Variants in ZNF521 observed in about 807,000 individuals in gnomAD.
The protein encoded by ZNF521 is LYST-interacting protein 3.
In ZNF521, 14 loss-of-function variants were observed where a neutral mutation model predicts 105.5. The ratio of observed to expected loss-of-function variants is 0.13; its 90% CI spans 0.09 to 0.21. The LOEUF is 0.21. Among genes scored for constraint, ZNF521 ranks in the 10% least tolerant of loss-of-function variants. The probability of loss-of-function intolerance (pLI) is 1.00; values close to 1 mark genes in which losing one functional copy is unlikely to be tolerated. For missense variants in ZNF521, 1,233 were observed against 1,629.7 expected, an observed-to-expected ratio of 0.76 and a Z score of 4.19; for synonymous variants, 635 against 606.0, an observed-to-expected ratio of 1.05 and a Z score of -0.70.
chr18:25,166,419 T>A (rs547290434), intron 5 of ZNF521, among the ~76,000 whole-genome samples: 206 of 152,336 alleles, frequency 1.4e-3, no homozygotes, highest in African/African-American at 4.7e-3. Flanking sequence ...TGGATTTTTT[T>A]AAACAAGATT....
At chr18:25,272,753 G>A (rs1909745244) in intron 3 of ZNF521, among the ~76,000 whole-genome samples, 1 of 151,940 alleles carries the variant, frequency 6.6e-6, no homozygotes, top group Non-Finnish European at 1.5e-5. Context: ...CACACACCGG[G>A]GCCTGTTGTG....
chr18:25,244,533 G>A (rs952003136), intron 3 of ZNF521, among the ~76,000 whole-genome samples: 4 of 152,146 alleles, frequency 2.6e-5, no homozygotes, highest in African/African-American at 9.7e-5. Context: ...GTAGGAAAAG[G>A]GACCCAGAGT....
intron 2 of ZNF521, among the ~76,000 whole-genome samples, chr18:25,340,533 A>C (rs1914138931): frequency 6.6e-6 from 1 of 152,160 alleles, no homozygotes; most frequent in South Asian, 2.1e-4. Flanking sequence ...TTGTTCCATC[A>C]GCTATAACTC....
chr18:25,217,379 TGATGGATTAAACATG>T (rs1568014848), intron 4 of ZNF521, among the ~76,000 whole-genome samples: 1 of 152,168 alleles, frequency 6.6e-6, no homozygotes, highest in Non-Finnish European at 1.5e-5. Context: ...CAGCATTCAT[TGATGGATTAAACATG>T]GAGAATGAGA....
At chr18:25,292,184 T>A (rs1164964337) in intron 3 of ZNF521, among the ~76,000 whole-genome samples, 2 of 152,222 alleles carry the variant, frequency 1.3e-5, no homozygotes, top group African/African-American at 4.8e-5. Flanking sequence ...CACTTACACA[T>A]GTCACCTGCC....
intron 5 of ZNF521, among the ~76,000 whole-genome samples, chr18:25,102,981 T>C (rs886687128): frequency 2.6e-5 from 4 of 152,136 alleles, no homozygotes; most frequent in African/African-American, 9.7e-5. Context: ...CATCCCCCTA[T>C]GTCTTAAGCA....
Position 25,227,101 on chromosome 18 carries a change from A to G in ZNF521, c.817T>C (p.Ser273Pro), listed in dbSNP as rs1906208136. The G allele has an allele frequency of 6.2e-7, 1 of 1,613,978 alleles. No homozygotes were observed. Among genetic ancestry groups the G allele is most frequent in the Non-Finnish European group, 8.5e-7 (1 of 1,179,992 alleles). The part of the protein sequence containing the change: ...KHIAECHPEC[S>P]PNEDRAALQC... ...AGGGCCGCTCGGTCCTCATTTGGGGAGCATTCGGGGTGGCACTCTGCAATG... is the reference window on the plus strand; with the variant it reads ...AGGGCCGCTCGGTCCTCATTTGGGGGGCATTCGGGGTGGCACTCTGCAATG... The change falls in exon 4 of 8, where the codon TCC (serine) becomes CCC (proline). Residue 273 changes from serine (S) to proline (P), a missense_variant. By Grantham distance (74) the Ser-to-Pro change is moderately conservative. This residue lies in a region of ZNF521 where 380 missense variants were observed against 478.0 expected (regional missense o/e 0.80). Coordinates refer to ENST00000361524, the MANE Select transcript of ZNF521 (RefSeq NM_015461.3). The surrounding 1 kb of genome is among the most constrained non-coding windows in gnomAD (Gnocchi z 5.7).
At chr18:25,089,100 C>T (rs929231678) in intron 7 of ZNF521, among the ~76,000 whole-genome samples, 1 of 152,174 alleles carries the variant, frequency 6.6e-6, no homozygotes, top group African/African-American at 2.4e-5. Flanking sequence ...ATAACCTGGA[C>T]ATCCACCCAG....
chr18:25,173,290 A>C (rs186667704), intron 5 of ZNF521, among the ~76,000 whole-genome samples: 5 of 152,308 alleles, frequency 3.3e-5, no homozygotes, highest in African/African-American at 1.2e-4. Context: ...TGAGCCCCCA[A>C]GGAGGCCAAA....
chr18:25,106,316 T>G (rs1235997862), intron 5 of ZNF521, among the ~76,000 whole-genome samples: 1 of 152,170 alleles, frequency 6.6e-6, no homozygotes, highest in Non-Finnish European at 1.5e-5. Flanking sequence ...TGAGTTGATT[T>G]GGAAAATACC....
intron 3 of ZNF521, among the ~76,000 whole-genome samples, chr18:25,289,788 AATT>A: frequency 6.6e-6 from 1 of 152,286 alleles, no homozygotes; most frequent in Non-Finnish European, 1.5e-5. Flanking sequence ...TTGGGGGGAA[AATT>A]ATTTTTTAAT....
At chr18:25,229,468 A>G (rs1906391712) in intron 3 of ZNF521, among the ~76,000 whole-genome samples, 1 of 152,194 alleles carries the variant, frequency 6.6e-6, no homozygotes, top group Non-Finnish European at 1.5e-5. Context: ...ATGGATGTGG[A>G]TGTGATTTAT....
intron 5 of ZNF521, among the ~76,000 whole-genome samples, chr18:25,174,915 T>C (rs2035510619): frequency 6.6e-6 from 1 of 152,206 alleles, no homozygotes; most frequent in South Asian, 2.1e-4. Context: ...TTCAATAAAA[T>C]GTTAAGTACT....
rs1555636080 is a variant in ZNF521 at position 25,120,582 on chromosome 18, T to TAAAACAAAA, written c.3659-28502_3659-28501insTTTTGTTTT. On this transcript the variant is annotated intron_variant, in intron 5 of 7. Coordinates refer to ENST00000361524, the MANE Select transcript of ZNF521 (RefSeq NM_015461.3). ...TGGGCAACAAGAGCAAAACTCCATC[T>TAAAACAAAA]AAAAAAAAAAAAAAAAAAAACCACA... 4.6e-3 allele frequency among the ~76,000 whole-genome samples: 52 copies of TAAAACAAAA among 11,326 alleles called. 1 individual carries two copies. Among genetic ancestry groups the TAAAACAAAA allele is most frequent in the African/African-American group, 8.2e-3 (51 of 6,194 alleles). 7.4% of individuals were successfully genotyped at this position (11,326 alleles called of 152,430 possible).
chr18:25,298,934 C>T (rs947955497), intron 3 of ZNF521, among the ~76,000 whole-genome samples: 5 of 152,172 alleles, frequency 3.3e-5, no homozygotes, highest in Admixed American at 2.6e-4. Flanking sequence ...AACAATGCAG[C>T]GTTGGCTCCT....
At chr18:25,156,193 T>C (rs551211996) in intron 5 of ZNF521, among the ~76,000 whole-genome samples, 7 of 152,338 alleles carry the variant, frequency 4.6e-5, no homozygotes, top group Non-Finnish European at 7.3e-5. Context: ...CTATATGTAT[T>C]TATCTTGTAA....
chr18:25,098,920 C>T (rs2033908722), intron 5 of ZNF521, among the ~76,000 whole-genome samples: 2 of 152,114 alleles, frequency 1.3e-5, no homozygotes, highest in Non-Finnish European at 2.9e-5. Flanking sequence ...TTTCACATAA[C>T]AGACTAGATG....
chr18:25,172,916 T>C (rs977326637), intron 5 of ZNF521, among the ~76,000 whole-genome samples: 2 of 152,228 alleles, frequency 1.3e-5, no homozygotes, highest in African/African-American at 4.8e-5. Context: ...AATTCTCTAC[T>C]ATTAGGCAGA....
chr18:25,184,051 G>A (rs1223446657), intron 5 of ZNF521, among the ~76,000 whole-genome samples: 1 of 152,000 alleles, frequency 6.6e-6, no homozygotes, highest in African/African-American at 2.4e-5. Context: ...AGCTGATACA[G>A]CACACATATT....
Sources: gnomAD v4.1 joint callset for allele counts (sites outside exome capture counted in the v4.1 genomes callset) on GRCh38, gnomAD v4.1.1 for gene constraint, gnomAD v4.1.1 regional missense constraint, Gnocchi (gnomAD v3.1) non-coding constraint, MANE v1.5 for transcripts, NCBI Gene and HGNC (gene_info 2026-07-23, HGNC 2026-07-21) for gene names.